The following MPP7 variants were observed in gnomAD, a reference collection of about 807,000 sequenced individuals.
MPP7 encodes MAGUK p55 subfamily member 7.
Under a neutral mutation model 76.5 loss-of-function variants are expected in MPP7, and 60 were observed. The observed-to-expected ratio is 0.78, with a 90% CI of 0.64 to 0.97. MPP7 has a LOEUF of 0.97. Among genes scored for constraint, MPP7 ranks in the 50% least tolerant of loss-of-function variants. The pLI is 0.00. For missense variants in MPP7, 641 were observed against 694.0 expected, an observed-to-expected ratio of 0.92 and a Z score of 0.86; for synonymous variants, 237 against 244.5, an observed-to-expected ratio of 0.97 and a Z score of 0.29.
chr10:28,312,465 A>G (rs1404494191), intron 2 of MPP7, among the ~76,000 whole-genome samples: 2 of 152,208 alleles, frequency 1.3e-5, no homozygotes, highest in South Asian at 2.1e-4. Context: ...CCTGTAAGAC[A>G]AAAGTTCTCC....
At chr10:28,258,453 G>A (rs1170179331) in intron 1 of MPP7, among the ~76,000 whole-genome samples, 9 of 149,026 alleles carry the variant, frequency 6.0e-5, no homozygotes, top group East Asian at 1.9e-4. Flanking sequence ...AGGCTAGAGT[G>A]CAGTGGCATG....
chr10:28,189,650 G>GA (rs71391019), intron 3 of MPP7, among the ~76,000 whole-genome samples: 115,034 of 139,866 alleles, frequency 0.82, 47,519 homozygotes, highest in Middle Eastern at 0.87. Context: ...AGCACACATA[G>GA]AAAAAAAAAA....
intron 2 of MPP7, among the ~76,000 whole-genome samples, chr10:28,325,523 T>C (rs576542322): frequency 1.3e-4 from 20 of 151,900 alleles, no homozygotes; most frequent in East Asian, 5.9e-4. Flanking sequence ...AGACCGAGTC[T>C]TGCTCTGTCG....
intron 1 of MPP7, among the ~76,000 whole-genome samples, chr10:28,257,602 G>T (rs1246046076): frequency 8.8e-6 from 1 of 114,148 alleles, no homozygotes; most frequent in African/African-American, 3.2e-5. Flanking sequence ...TGGTGGGGTG[G>T]GGGGAGGGGG....
intron 3 of MPP7, among the ~76,000 whole-genome samples, chr10:28,151,726 TAAAC>T (rs1835890014): frequency 6.6e-6 from 1 of 152,230 alleles, no homozygotes; most frequent in Admixed American, 6.5e-5. Context: ...AAATAGGAGT[TAAAC>T]AAGTTGCTAT....
chr10:28,299,091 T>C (rs1236844810), intron 1 of MPP7, among the ~76,000 whole-genome samples: 1 of 152,222 alleles, frequency 6.6e-6, no homozygotes, highest in East Asian at 1.9e-4. Flanking sequence ...TCTTATCATT[T>C]GGACGTTCAG....
intron 3 of MPP7, among the ~76,000 whole-genome samples, chr10:28,159,896 T>C (rs551713027): frequency 2.8e-4 from 42 of 152,306 alleles, no homozygotes; most frequent in African/African-American, 9.6e-4. Flanking sequence ...TTTCCAAACA[T>C]TTACACATTT....
At chr10:28,267,737 TA>T (rs112729851) in intron 1 of MPP7, among the ~76,000 whole-genome samples, 7,168 of 152,188 alleles carry the variant, frequency 0.047, 353 homozygotes, top group African/African-American at 0.12. Flanking sequence ...TAGATAATAC[TA>T]TTTGAAAGAA....
chr10:28,172,297 A>G (rs1260076605), intron 3 of MPP7, among the ~76,000 whole-genome samples: 4 of 152,256 alleles, frequency 2.6e-5, no homozygotes, highest in Non-Finnish European at 5.9e-5. Context: ...TGATTTAGAA[A>G]TAGGTACTGT....
chr10:28,333,764 G>C (rs2133195314), intron 1 of MPP7, among the ~76,000 whole-genome samples: 1 of 152,322 alleles, frequency 6.6e-6, no homozygotes, highest in South Asian at 2.1e-4. Flanking sequence ...ATGTAAAGTA[G>C]GTGGAATTAA....
intron 2 of MPP7, among the ~76,000 whole-genome samples, chr10:28,309,694 G>A (rs1458797428): frequency 1.3e-5 from 2 of 152,170 alleles, no homozygotes; most frequent in Non-Finnish European, 2.9e-5. Context: ...ATTGAATTGT[G>A]GTCCCCAGTG....
intron 3 of MPP7, among the ~76,000 whole-genome samples, chr10:28,184,352 TTAATA>T (rs1456547686): frequency 1.3e-5 from 2 of 148,318 alleles, no homozygotes; most frequent in Admixed American, 1.4e-4. Context: ...TATCTTTATC[TTAATA>T]TATTATTATG....
chr10:28,124,909 T>C, intron 7 of MPP7, 101 bp downstream of exon 7: 1 of 907,296 alleles, frequency 1.1e-6, no homozygotes, highest in Non-Finnish European at 1.8e-6. Flanking sequence ...CTTGTTCTGC[T>C]GTATTAGATC....
At chr10:28,068,063 T>G (rs1852062693) in intron 13 of MPP7, among the ~76,000 whole-genome samples, 1 of 152,180 alleles carries the variant, frequency 6.6e-6, no homozygotes, top group Non-Finnish European at 1.5e-5. Context: ...ATTCGTTTTT[T>G]TTTCTTTGTA....
chr10:28,210,913 T>C (rs1838111431), intron 2 of MPP7, among the ~76,000 whole-genome samples: 1 of 152,092 alleles, frequency 6.6e-6, no homozygotes, highest in Non-Finnish European at 1.5e-5. Flanking sequence ...TTAAATGTGC[T>C]GTAGCGGGCT....
chr10:28,326,792 A>G (rs1170193169), intron 2 of MPP7, among the ~76,000 whole-genome samples: 1 of 152,250 alleles, frequency 6.6e-6, no homozygotes, highest in Non-Finnish European at 1.5e-5. Flanking sequence ...CCACATTGCC[A>G]GGGTACATGC....
intron 11 of MPP7, among the ~76,000 whole-genome samples, chr10:28,107,873 T>C (rs1476259516): frequency 6.6e-6 from 1 of 152,292 alleles, no homozygotes; most frequent in Non-Finnish European, 1.5e-5. Flanking sequence ...TTTCTGGTGA[T>C]GTAGGGGGAG....
Position 28,205,281 on chromosome 10 carries a change from G to A in MPP7, c.38-3010C>T, listed in dbSNP as rs554373592. Among the ~76,000 whole-genome samples, 728 of 152,268 alleles carry A rather than the reference G, an allele frequency of 4.8e-3. 3 individuals carry two copies. The highest frequency in any genetic ancestry group is 7.1e-3 in the Non-Finnish European group (484 of 68,020). On this transcript the variant is annotated intron_variant, in intron 2 of 16. Coordinates refer to ENST00000683449, the MANE Select transcript of MPP7 (RefSeq NM_001318170.2). ...ACTCAAATGAATTATAAGGGCCCTA[G>A]AAACCATCTCTGGCCATGCATAAAA...
At chr10:28,175,310 G>T (rs190183506) in intron 3 of MPP7, among the ~76,000 whole-genome samples, 16 of 151,702 alleles carry the variant, frequency 1.1e-4, no homozygotes, top group Middle Eastern at 3.4e-3. Context: ...AGGAAAAAAA[G>T]AAACTTCCAA....
Sources: allele counts gnomAD v4.1 joint callset (sites outside exome capture counted in the v4.1 genomes callset), GRCh38; gene constraint gnomAD v4.1.1; transcripts MANE v1.5; gene names NCBI Gene and HGNC (gene_info 2026-07-23, HGNC 2026-07-21).